Variants in TUBGCP3 observed in about 807,000 individuals in gnomAD.
TUBGCP3 encodes tubulin gamma complex component 3, also known as gamma-tubulin complex component 3.
Under a neutral mutation model 123.1 loss-of-function variants are expected in TUBGCP3, and 50 were observed. The observed-to-expected ratio is 0.41, with a 90% CI of 0.32 to 0.51. The LOEUF (loss-of-function observed/expected upper bound fraction) is 0.51. Among genes scored for constraint, TUBGCP3 ranks in the 20% least tolerant of loss-of-function variants. The probability of loss-of-function intolerance (pLI) is 0.36; values close to 1 mark genes in which losing one functional copy is unlikely to be tolerated. For synonymous variants in TUBGCP3, 405 were observed against 413.9 expected (o/e 0.98, Z 0.26); for missense variants, 882 against 1,127.0 (o/e 0.78, Z 3.11).
chr13:112,490,082 G>A (rs574635245), intron 20 of TUBGCP3, among the ~76,000 whole-genome samples: 12 of 152,138 alleles, frequency 7.9e-5, no homozygotes, highest in South Asian at 4.1e-4. Context: ...GGCCCAAGGC[G>A]TCAGCACCCT....
At chr13:112,599,575 C>T in the TUBGCP3 span, among the ~76,000 whole-genome samples, 5 of 152,128 alleles carry the variant, frequency 3.3e-5, no homozygotes, top group East Asian at 1.9e-4. Flanking sequence ...GGCGTGGTCT[C>T]GGCTCACTGT....
chr13:112,528,552 CT>C (rs1216496619), intron 11 of TUBGCP3, among the ~76,000 whole-genome samples: 1 of 152,162 alleles, frequency 6.6e-6, no homozygotes, highest in Admixed American at 6.5e-5. Context: ...ACCCATCTTG[CT>C]ATTCATTTTG....
At chr13:112,493,353 A>G (rs1296335596) in intron 20 of TUBGCP3, among the ~76,000 whole-genome samples, 1 of 120,872 alleles carries the variant, frequency 8.3e-6, no homozygotes, top group Non-Finnish European at 1.7e-5. Flanking sequence ...CGCTCTGGCT[A>G]TGGGAACAGG....
intron 17 of TUBGCP3, 57 bp from the exon 18 acceptor site, chr13:112,504,771 G>C: frequency 7.2e-7 from 1 of 1,396,272 alleles, no homozygotes; most frequent in Non-Finnish European, 1.0e-6. Flanking sequence ...CCGACAACGC[G>C]CTGTTCTCCC....
chr13:112,514,698 G>A (rs1240843038), intron 17 of TUBGCP3, among the ~76,000 whole-genome samples: 1 of 152,162 alleles, frequency 6.6e-6, no homozygotes, highest in Non-Finnish European at 1.5e-5. Context: ...TTCCCAAAAA[G>A]TGATCTGATA....
intron 20 of TUBGCP3, among the ~76,000 whole-genome samples, chr13:112,494,856 T>A (rs912484614): frequency 2.6e-5 from 4 of 152,262 alleles, no homozygotes; most frequent in African/African-American, 4.8e-5. Flanking sequence ...CTTTTTGCCA[T>A]TTGCATTGTC....
rs1439705992 is a variant in TUBGCP3, at chr13:112,554,141, A to G, written c.882T>C (p.Leu294=). The part of the protein sequence containing the change: ...SRSLRDTAVR[L]SELGWLHNKI... The stretch of plus-strand genomic sequence containing the variant: ...TATTATGCAACCATCCCAACTCAGA[A>G]AGCCTGACTGCTGTGTCTCTCAAAG... Residue 294 remains leucine, a synonymous_variant, in exon 8 of 22, where the codon CTT becomes CTC. Transcript: ENST00000261965. 1 of 1,614,168 alleles carries G rather than the reference A, an allele frequency of 6.2e-7. No individual in the cohort carries two copies. The highest frequency in any genetic ancestry group is 8.5e-7 in the Non-Finnish European group (1 of 1,180,016).
intron 6 of TUBGCP3, among the ~76,000 whole-genome samples, chr13:112,555,839 C>A (rs941046075): frequency 6.6e-6 from 1 of 152,142 alleles, no homozygotes; most frequent in African/African-American, 2.4e-5. Context: ...AAAAAGCAGA[C>A]TGTGCTGGGA....
chr13:112,575,232 T>C (rs1451438477), intron 1 of TUBGCP3, among the ~76,000 whole-genome samples: 1 of 152,114 alleles, frequency 6.6e-6, no homozygotes, highest in East Asian at 1.9e-4. Flanking sequence ...TGAGACATGA[T>C]GAAAGATATC....
intron 11 of TUBGCP3, among the ~76,000 whole-genome samples, chr13:112,537,601 T>C (rs988292279): frequency 2.6e-5 from 4 of 152,172 alleles, no homozygotes; most frequent in African/African-American, 9.7e-5. Flanking sequence ...TGGTATGTAG[T>C]TTTTGTGTGT....
chr13:112,489,530 C>G, intron 21 of TUBGCP3, 51 bp downstream of exon 21: 1 of 1,295,556 alleles, frequency 7.7e-7, no homozygotes. Flanking sequence ...CTGTCAGGTA[C>G]AGAACATGGG....
intron 20 of TUBGCP3, among the ~76,000 whole-genome samples, chr13:112,496,957 G>T (rs967747545): frequency 1.8e-4 from 27 of 149,214 alleles, no homozygotes; most frequent in Non-Finnish European, 3.2e-4. Context: ...CTGCACTCCA[G>T]CCTGGGCGAC....
Position 112,508,088 on chromosome 13 carries a change from C to T in TUBGCP3, c.2087-3374G>A, listed in dbSNP as rs1289638844. On this transcript the variant is annotated intron_variant, in intron 17 of 21. Coordinates refer to ENST00000261965, the MANE Select transcript of TUBGCP3 (RefSeq NM_006322.6). The surrounding 1 kb of genome is among the most constrained non-coding windows in gnomAD (Gnocchi z 4.2). The stretch of plus-strand genomic sequence containing the variant: ...CTGCCTGGGGCCTTCCCCTTCTCTC[C>T]CTCACTCCCAGCCTCAGCATCCCGC... Among the ~76,000 whole-genome samples the T allele has an allele frequency of 3.3e-5, 5 of 152,282 alleles. No individual in the cohort carries two copies. In the East Asian group the frequency reaches 5.8e-4, roughly 18 times the overall value.
At position 112,588,109 on chromosome 13, in the gene TUBGCP3, C is replaced by T. The variant is rs1882766946; in HGVS notation, c.-129G>A. ...TCCTGACAGGCTAAGGCGCGGGCGC[C>T]GCCGGCCACCAGGGCGCCATTTTAA... On this transcript the variant is annotated 5_prime_UTR_variant, in exon 1 of 22. Transcript: ENST00000261965. 1.3e-6 allele frequency: 1 copy of T among 762,448 alleles called. No homozygotes were observed. Among genetic ancestry groups the T allele is most frequent in the Admixed American group, 4.4e-5 (1 of 22,962 alleles). 47.2% of individuals were successfully genotyped at this position (762,448 alleles called of 1,614,324 possible).
chr13:112,500,338 T>C (rs970247069), intron 19 of TUBGCP3, among the ~76,000 whole-genome samples: 1 of 152,174 alleles, frequency 6.6e-6, no homozygotes, highest in African/African-American at 2.4e-5. Flanking sequence ...CAGCCAACAA[T>C]GAAGCAACAA....
intron 11 of TUBGCP3, among the ~76,000 whole-genome samples, chr13:112,534,416 A>G (rs1054226555): frequency 3.3e-5 from 5 of 152,112 alleles, no homozygotes; most frequent in Admixed American, 2.0e-4. Flanking sequence ...CGTGGTGGCA[A>G]GGCGCCTGTG....
chr13:112,602,310 T>G, the TUBGCP3 span, among the ~76,000 whole-genome samples: 2 of 152,212 alleles, frequency 1.3e-5, no homozygotes, highest in Non-Finnish European at 2.9e-5. Context: ...TTAATGAGTT[T>G]CCGGATGATT....
At chr13:112,583,316 G>C (rs1882398930) in intron 1 of TUBGCP3, among the ~76,000 whole-genome samples, 1 of 152,126 alleles carries the variant, frequency 6.6e-6, no homozygotes, top group East Asian at 1.9e-4. Context: ...TTTTAACCTT[G>C]AGCAAGATAA....
chr13:112,557,418 C>A (rs971778423), intron 5 of TUBGCP3, among the ~76,000 whole-genome samples: 4 of 152,194 alleles, frequency 2.6e-5, no homozygotes, highest in Non-Finnish European at 5.9e-5. Flanking sequence ...AATTCTATTA[C>A]ACTCACATGG....
Sources: allele counts gnomAD v4.1 joint callset (sites outside exome capture counted in the v4.1 genomes callset), GRCh38; gene constraint gnomAD v4.1.1; non-coding constraint Gnocchi (gnomAD v3.1); transcripts MANE v1.5; gene names NCBI Gene and HGNC (gene_info 2026-07-23, HGNC 2026-07-21).